Variants in PAK3 observed in about 807,000 individuals in gnomAD.
PAK3 encodes the protein serine/threonine-protein kinase PAK 3.
Under a neutral mutation model 41.0 loss-of-function variants are expected in PAK3, and 4 were observed. The ratio of observed to expected loss-of-function variants is 0.10; its 90% confidence interval spans 0.05 to 0.22. The LOEUF is 0.22. Among genes scored for constraint, PAK3 ranks in the 10% least tolerant of loss-of-function variants. The pLI is 1.00. For synonymous variants in PAK3, 146 were observed against 139.6 expected, an observed-to-expected ratio of 1.05 and a Z score of -0.32; for missense variants, 205 against 409.9, an observed-to-expected ratio of 0.50 and a Z score of 4.32.
At chrX:111,080,664 A>C in intron 1 of PAK3, among the ~76,000 whole-genome samples, 1 of 111,755 alleles carries the variant, frequency 8.9e-6, no homozygotes, top group Non-Finnish European at 1.9e-5. Flanking sequence ...CCATTATGAG[A>C]AACAGTATGG....
At chrX:111,139,398 G>T (rs779392264) in intron 5 of PAK3, among the ~76,000 whole-genome samples, 1 of 111,893 alleles carries the variant, frequency 8.9e-6, no homozygotes, top group Non-Finnish European at 1.9e-5. Flanking sequence ...CAGAAATTTT[G>T]CACTTCCTTA....
rs770416202 is a variant in PAK3 at position 111,012,946 on chromosome X, G to A, written c.-28+68318G>A. Among the ~76,000 whole-genome samples, 3 of 111,432 alleles carry A rather than the reference G, an allele frequency of 2.7e-5. No homozygotes were observed. In the East Asian group the frequency reaches 8.5e-4, roughly 32 times the overall value. The stretch of plus-strand genomic sequence containing the variant: ...TCACAGCCATGTGTCACAGCACCCG[G>A]CTTATTTTTTAATTTTTTAAAAAGA... On this transcript the variant is annotated intron_variant, in intron 1 of 14. Transcript: ENST00000425146.
At chrX:111,206,386 C>T (rs1264814832) in intron 16 of PAK3, among the ~76,000 whole-genome samples, 1 of 111,546 alleles carries the variant, frequency 9.0e-6, no homozygotes, top group African/African-American at 3.3e-5. Context: ...CAAGCAGCCC[C>T]CTCTGCAATT....
chrX:111,189,049 A>C (rs940545382), intron 11 of PAK3, among the ~76,000 whole-genome samples: 2 of 111,651 alleles, frequency 1.8e-5, no homozygotes, highest in East Asian at 5.7e-4. Flanking sequence ...CTCAACAGTT[A>C]GTTTTTCAAC....
chrX:111,186,425 A>G (rs1339453919), intron 11 of PAK3, among the ~76,000 whole-genome samples: 1 of 111,904 alleles, frequency 8.9e-6, no homozygotes, highest in Admixed American at 9.5e-5. Context: ...CCTTAAGCTG[A>G]TAAGCAACTT....
At chrX:110,972,924 C>A (rs1472345495) in intron 1 of PAK3, among the ~76,000 whole-genome samples, 2 of 111,477 alleles carry the variant, frequency 1.8e-5, no homozygotes, top group African/African-American at 6.5e-5. Flanking sequence ...CATGCACAAG[C>A]TTCAATAGCC....
In PAK3 at chrX:111,112,102, A is replaced by G. The variant is rs188958653; in HGVS notation, c.-28+8796A>G. The stretch of plus-strand genomic sequence containing the variant: ...ACATCTGCTACATTGTCACCTGAGT[A>G]ATAGTTCTGAAATTCAAAGTTAATC... On this transcript the variant is annotated intron_variant, in intron 4 of 17. Transcript: ENST00000372007. Among the ~76,000 whole-genome samples, 15 of 111,823 alleles carry G rather than the reference A, an allele frequency of 1.3e-4. No individual in the cohort carries two copies. The East Asian group carries it at 4.0e-3, about 30-fold the overall frequency.
In PAK3 at chrX:111,224,726, ACTTC is replaced by A. The variant is rs937965604; in HGVS notation, c.*4284_*4287del. 2.7e-5 allele frequency: 3 copies of A among 112,100 alleles called. No individual in the cohort carries two copies. Among genetic ancestry groups the A allele is most frequent in the African/African-American group, 9.7e-5 (3 of 30,856 alleles). The allele number at this position is 112,100 out of a possible 1,213,427, so 9.2% of individuals were successfully genotyped here. ...AGGGAGACCATCTAACCAAAGGATA[ACTTC>A]CTTCTAACTCACCAAAGAAATTTTA... On this transcript the variant is annotated 3_prime_UTR_variant, in exon 18 of 18. Transcript: ENST00000372007.
At chrX:110,977,130 C>G (rs952678540) in intron 1 of PAK3, among the ~76,000 whole-genome samples, 3 of 110,697 alleles carry the variant, frequency 2.7e-5, no homozygotes, top group Non-Finnish European at 5.7e-5. Context: ...GTGGTTCATT[C>G]TCAATCTTAA....
At chrX:110,966,258 C>T (rs1243261307) in intron 1 of PAK3, among the ~76,000 whole-genome samples, 4 of 111,506 alleles carry the variant, frequency 3.6e-5, no homozygotes, top group Admixed American at 9.5e-5. Flanking sequence ...TAGGACAATT[C>T]ATTTTCCCAC....
intron 11 of PAK3, among the ~76,000 whole-genome samples, chrX:111,178,386 T>A (rs1253118326): frequency 9.0e-6 from 1 of 111,544 alleles, no homozygotes; most frequent in Non-Finnish European, 1.9e-5. Flanking sequence ...AAGGGAGAAT[T>A]TTTGAAAAAC....
intron 4 of PAK3, among the ~76,000 whole-genome samples, chrX:111,108,953 C>G (rs145782721): frequency 6.8e-4 from 76 of 111,863 alleles, no homozygotes; most frequent in African/African-American, 2.3e-3. Context: ...GTTTAATAAC[C>G]CATTCTTCCA....
intron 1 of PAK3, among the ~76,000 whole-genome samples, chrX:111,067,154 T>C (rs1312896685): frequency 1.8e-5 from 2 of 111,975 alleles, no homozygotes; most frequent in Non-Finnish European, 3.8e-5. Flanking sequence ...CTCTTATTTT[T>C]AAATTTATTT....
intron 10 of PAK3, among the ~76,000 whole-genome samples, chrX:111,165,968 G>A: frequency 9.0e-6 from 1 of 111,199 alleles, no homozygotes; most frequent in Non-Finnish European, 1.9e-5. Flanking sequence ...TAAGAATTCA[G>A]TGGGGTTTTT....
At chrX:111,029,403 T>C (rs2092314266) in intron 1 of PAK3, among the ~76,000 whole-genome samples, 1 of 111,593 alleles carries the variant, frequency 9.0e-6, no homozygotes, top group Non-Finnish European at 1.9e-5. Flanking sequence ...TAACTACTAA[T>C]AGCCCGCCAT....
chrX:111,095,936 C>T (rs1464092692), upstream of PAK3, among the ~76,000 whole-genome samples: 1 of 111,086 alleles, frequency 9.0e-6, no homozygotes, highest in Non-Finnish European at 1.9e-5. Context: ...TTTTGATGGC[C>T]CCACCTCTGT....
chrX:111,076,903 A>G (rs1475492276), intron 1 of PAK3, among the ~76,000 whole-genome samples: 1 of 111,385 alleles, frequency 9.0e-6, no homozygotes, highest in Non-Finnish European at 1.9e-5. Context: ...TGCAAATGAC[A>G]TAATCTTATA....
At chrX:111,117,703 A>T (rs2093490536) in intron 4 of PAK3, among the ~76,000 whole-genome samples, 1 of 111,811 alleles carries the variant, frequency 8.9e-6, no homozygotes, top group African/African-American at 3.2e-5. Context: ...AATACATAGG[A>T]TGTATAGAGT....
At chrX:111,036,941 T>TTTTG (rs1364969280) in intron 1 of PAK3, among the ~76,000 whole-genome samples, 2 of 111,434 alleles carry the variant, frequency 1.8e-5, no homozygotes, top group South Asian at 3.8e-4. Flanking sequence ...GAGTCTTAGG[T>TTTTG]TTTGTTTGTT....
Sources: allele counts gnomAD v4.1 joint callset (sites outside exome capture counted in the v4.1 genomes callset), GRCh38; gene constraint gnomAD v4.1.1; transcripts MANE v1.5; gene names NCBI Gene and HGNC (gene_info 2026-07-23, HGNC 2026-07-21).